ALG6: variants seen among roughly 807,000 people sequenced by gnomAD.
ALG6 encodes ALG6 alpha-1,3-glucosyltransferase.
In ALG6, 46 loss-of-function variants were observed where a neutral mutation model predicts 66.6. That is an observed-to-expected ratio of 0.69 (90% CI 0.55 to 0.88). ALG6 has a LOEUF of 0.88. Among genes scored for constraint, ALG6 ranks in the 40% least tolerant of loss-of-function variants. The pLI is 0.00. For synonymous variants in ALG6, 185 were observed against 203.7 expected, an observed-to-expected ratio of 0.91 and a Z score of 0.78; for missense variants, 505 against 586.8, an observed-to-expected ratio of 0.86 and a Z score of 1.44.
intron 12 of ALG6, among the ~76,000 whole-genome samples, chr1:63,421,220 C>G (rs1426265370): frequency 2.0e-5 from 3 of 151,944 alleles, no homozygotes; most frequent in Admixed American, 2.0e-4. Context: ...CTCTTGTTGC[C>G]CAAGCTGGAG....
chr1:63,407,337 T>C (rs968140755), intron 7 of ALG6, among the ~76,000 whole-genome samples: 4 of 152,142 alleles, frequency 2.6e-5, no homozygotes, highest in Non-Finnish European at 5.9e-5. Context: ...TTTCATGTTG[T>C]TTGATTGGGA....
At chr1:63,396,647 T>C (rs1648833997) in intron 3 of ALG6, 50 bp downstream of exon 3, 1 of 1,490,414 alleles carries the variant, frequency 6.7e-7, no homozygotes. Flanking sequence ...TAATACAGAT[T>C]GTTTGAAAAT....
intron 14 of ALG6, among the ~76,000 whole-genome samples, chr1:63,430,759 A>T (rs1405371454): frequency 6.6e-6 from 1 of 152,118 alleles, no homozygotes; most frequent in Non-Finnish European, 1.5e-5. Context: ...GAGTTGTAAG[A>T]GTTTTTTTAA....
Position 63,422,387 on chromosome 1 carries a change from ATATAAATATATATC to A in ALG6, c.1058+2952_1058+2965del, listed in dbSNP as rs1557595284. Among the ~76,000 whole-genome samples, 423 of 102,868 alleles carry A rather than the reference ATATAAATATATATC, an allele frequency of 4.1e-3. 14 individuals are homozygous for A. The highest frequency in any genetic ancestry group is 0.015 in the African/African-American group (387 of 25,312). 67.5% of individuals were successfully genotyped at this position (102,868 alleles called of 152,430 possible). The stretch of plus-strand genomic sequence containing the variant: ...TATAAATATATATAAGTATAAATAT[ATATAAATATATATC>A]TATATAAATATAAATATATATATAA... On this transcript the variant is annotated intron_variant, in intron 12 of 14. Transcript: ENST00000263440.
At chr1:63,395,586 T>C (rs1256426970) in intron 2 of ALG6, among the ~76,000 whole-genome samples, 7 of 152,132 alleles carry the variant, frequency 4.6e-5, no homozygotes, top group Non-Finnish European at 8.8e-5. Context: ...TCCCAGCTAC[T>C]CGGGAGGCTG....
chr1:63,376,581 A>C (rs375180107), intron 2 of ALG6, among the ~76,000 whole-genome samples: 1 of 152,214 alleles, frequency 6.6e-6, no homozygotes, highest in Admixed American at 6.5e-5. Context: ...ACTTTGACCC[A>C]TGAGTTATTT....
rs1644453138 is a variant in ALG6, at chr1:63,400,287, A to ACG, written c.168-1967_168-1966insCG. Among the ~76,000 whole-genome samples, 2 of 21,478 alleles carry ACG rather than the reference A, an allele frequency of 9.3e-5. 1 individual carries two copies. Among genetic ancestry groups the ACG allele is most frequent in the Non-Finnish European group, 1.3e-4 (2 of 15,056 alleles). 14.1% of individuals were successfully genotyped at this position (21,478 alleles called of 152,430 possible). On this transcript the variant is annotated intron_variant, in intron 3 of 14. Coordinates refer to ENST00000263440, the MANE Select transcript of ALG6 (RefSeq NM_013339.4). ...TATATACGTATATATATATACGTATATATATATACGTATATATATGTATAT... is the reference window on the plus strand; with the variant it reads ...TATATACGTATATATATATACGTATACGTATATATACGTATATATATGTATAT...
chr1:63,373,089 C>T (rs914887452), intron 2 of ALG6, among the ~76,000 whole-genome samples: 1 of 152,022 alleles, frequency 6.6e-6, no homozygotes, highest in Non-Finnish European at 1.5e-5. Context: ...CTCATGGCAG[C>T]CTCCGCCTCC....
intron 2 of ALG6, among the ~76,000 whole-genome samples, chr1:63,372,166 G>C (rs747437641): frequency 8.5e-5 from 13 of 152,120 alleles, no homozygotes; most frequent in Non-Finnish European, 1.8e-4. Context: ...TATTGTATTT[G>C]AGTTGCATGA....
At chr1:63,417,175 G>A (rs1418004938) in intron 11 of ALG6, among the ~76,000 whole-genome samples, 1 of 152,178 alleles carries the variant, frequency 6.6e-6, no homozygotes, top group East Asian at 1.9e-4. Context: ...TGGATATGGT[G>A]TAATGCTCTG....
chr1:63,403,094 C>CAAAA (rs1160526296), intron 4 of ALG6, among the ~76,000 whole-genome samples: 6 of 65,318 alleles, frequency 9.2e-5, no homozygotes, highest in African/African-American at 1.1e-4. Context: ...GACTCCATCT[C>CAAAA]AAAAAAAAAA....
intron 2 of ALG6, among the ~76,000 whole-genome samples, chr1:63,382,654 T>TG (rs1461464344): frequency 5.1e-5 from 1 of 19,750 alleles, no homozygotes; most frequent in Non-Finnish European, 7.8e-5. Context: ...TTTTTTTGTT[T>TG]GTTTTTTTTT....
intron 2 of ALG6, among the ~76,000 whole-genome samples, chr1:63,389,781 G>A (rs1222736576): frequency 6.6e-6 from 1 of 152,186 alleles, no homozygotes; most frequent in Non-Finnish European, 1.5e-5. Context: ...AGCCATATTT[G>A]CATTAGGGGG....
rs778293076 is a variant in ALG6 at position 63,419,356 on chromosome 1, C to T, written c.988-14C>T. 18 of 1,600,350 alleles carry T rather than the reference C, an allele frequency of 1.1e-5. No individual in the cohort carries two copies. In the South Asian group the frequency reaches 2.0e-4, roughly 18 times the overall value. On this transcript the variant is annotated splice_polypyrimidine_tract_variant and intron_variant, in intron 11 of 14. Coordinates refer to ENST00000263440, the MANE Select transcript of ALG6 (RefSeq NM_013339.4). Reference sequence around the variant, plus strand: ...AAGTTGTTATATCTCATTTCCCCCCCTTTTTTCTTAAAGGTTAGCTGTGCG... The same window carrying T: ...AAGTTGTTATATCTCATTTCCCCCCTTTTTTTCTTAAAGGTTAGCTGTGCG...
chr1:63,413,281 A>G (rs889084900), intron 9 of ALG6, among the ~76,000 whole-genome samples: 3 of 152,172 alleles, frequency 2.0e-5, no homozygotes, highest in Non-Finnish European at 2.9e-5. Context: ...TTAACTCTCT[A>G]TGTAAGCTGC....
intron 9 of ALG6, chr1:63,413,860 C>T (rs557974074): frequency 6.9e-5 from 34 of 489,732 alleles, no homozygotes; most frequent in African/African-American, 6.2e-4. Context: ...TTTTGATCAA[C>T]TGCCCTGCAC....
At chr1:63,413,200 G>A (rs1644525113) in intron 9 of ALG6, among the ~76,000 whole-genome samples, 1 of 152,150 alleles carries the variant, frequency 6.6e-6, no homozygotes. Context: ...GCAGAACTGT[G>A]ACTTGAACTT....
chr1:63,369,155 G>A (rs1286216608), intron 1 of ALG6, among the ~76,000 whole-genome samples: 1 of 152,196 alleles, frequency 6.6e-6, no homozygotes, highest in Admixed American at 6.5e-5. Flanking sequence ...AATCCTGTTA[G>A]TGAAAAGAAT....
rs192635678 is a variant in ALG6 at position 63,382,118 on chromosome 1, T to C, written c.82+11059T>C. On this transcript the variant is annotated intron_variant, in intron 2 of 14. Transcript: ENST00000263440. ...TTTTTTTGCTTTTAATTTGTATGGG[T>C]ACATAGTAGATGTACATATTCATGG... Among the ~76,000 whole-genome samples, 84 of 151,948 alleles carry C rather than the reference T, an allele frequency of 5.5e-4. 1 individual carries two copies. Among genetic ancestry groups the C allele is most frequent in the African/African-American group, 1.9e-3 (80 of 41,542 alleles).
Sources: allele counts gnomAD v4.1 joint callset (sites outside exome capture counted in the v4.1 genomes callset), GRCh38; gene constraint gnomAD v4.1.1; transcripts MANE v1.5; gene names NCBI Gene and HGNC (gene_info 2026-07-23, HGNC 2026-07-21).